INPP5D: variants seen among roughly 807,000 people sequenced by gnomAD.
INPP5D encodes the protein inositol polyphosphate-5-phosphatase D.
In INPP5D, 33 loss-of-function variants were observed where a neutral mutation model predicts 122.9. That is an observed-to-expected ratio of 0.27 (90% CI 0.20 to 0.36). The LOEUF (loss-of-function observed/expected upper bound fraction) is 0.36, where lower values mean the gene tolerates loss of function less well. INPP5D is among the 10% of genes least tolerant of loss of function. The pLI is 1.00. For synonymous variants in INPP5D, 584 were observed against 576.2 expected, an observed-to-expected ratio of 1.01 and a Z score of -0.19; for missense variants, 1,053 against 1,412.7, an observed-to-expected ratio of 0.75 and a Z score of 4.08.
rs565142251 is a variant in INPP5D at position 233,066,656 on chromosome 2, G to C, written c.134+6044G>C. On this transcript the variant is annotated intron_variant, in intron 1 of 26. Transcript: ENST00000445964. ...CAGTCTTGCTCTGTTGCCCAGGCTG[G>C]AGTGCAGTGGCATGATCTCGGCGCA... Among the ~76,000 whole-genome samples, 4 of 152,302 alleles carry C rather than the reference G, an allele frequency of 2.6e-5. No homozygotes were observed. In the South Asian group the frequency reaches 8.3e-4, roughly 32 times the overall value.
Position 233,177,210 on chromosome 2 carries a change from A to C in INPP5D, c.1990-55A>C. 1 of 1,608,740 alleles carries C rather than the reference A, an allele frequency of 6.2e-7. No homozygotes were observed. The highest frequency in any genetic ancestry group is 8.5e-7 in the Non-Finnish European group (1 of 1,176,388). On this transcript the variant is annotated intron_variant, in intron 17 of 26. Coordinates refer to ENST00000445964, the MANE Select transcript of INPP5D (RefSeq NM_001017915.3). The surrounding 1 kb of genome is among the most constrained non-coding windows in gnomAD (Gnocchi z 4.2). The stretch of plus-strand genomic sequence containing the variant: ...CACCAGTTAATCTGTTCTTTTACTG[A>C]TTAAAAAAATAATAATAAGAGGCAT...
chr2:233,171,494 A>T (rs1257697268), intron 17 of INPP5D, among the ~76,000 whole-genome samples: 1 of 152,220 alleles, frequency 6.6e-6, no homozygotes, highest in African/African-American at 2.4e-5. Context: ...AATTAACATT[A>T]AGCAGGTTTC....
At chr2:233,065,011 G>C (rs529641464) in intron 1 of INPP5D, among the ~76,000 whole-genome samples, 1 of 152,214 alleles carries the variant, frequency 6.6e-6, no homozygotes, top group Non-Finnish European at 1.5e-5. Flanking sequence ...CCAGAAAGCC[G>C]GCCAAGGGGC....
chr2:233,093,773 T>G (rs2106225032), intron 2 of INPP5D, among the ~76,000 whole-genome samples: 1 of 152,288 alleles, frequency 6.6e-6, no homozygotes, highest in Non-Finnish European at 1.5e-5. Flanking sequence ...TCTTCAATTT[T>G]GGGGTGAAAA....
chr2:233,201,498 C>G (rs1340597018), intron 25 of INPP5D, among the ~76,000 whole-genome samples: 4 of 152,240 alleles, frequency 2.6e-5, no homozygotes, highest in African/African-American at 9.6e-5. Context: ...GCCTGGAGCC[C>G]TGCAGCTCGC....
chr2:233,129,969 T>C (rs1486689538), intron 4 of INPP5D, among the ~76,000 whole-genome samples: 1 of 152,164 alleles, frequency 6.6e-6, no homozygotes, highest in African/African-American at 2.4e-5. Context: ...TGGCACGATC[T>C]GTTTTCACTG....
At chr2:233,065,464 C>A (rs1691187576) in intron 1 of INPP5D, among the ~76,000 whole-genome samples, 1 of 76,488 alleles carries the variant, frequency 1.3e-5, no homozygotes, top group Admixed American at 1.3e-4. Context: ...CCTGCCACCA[C>A]ACCGGGCTAA....
chr2:233,095,615 CAAAAAAAAAAAAAA>C (rs59030376), intron 2 of INPP5D, among the ~76,000 whole-genome samples: 6 of 129,150 alleles, frequency 4.6e-5, no homozygotes, highest in South Asian at 2.7e-4. Context: ...GAAACTGTCT[CAAAAAAAAAAAAAA>C]AAAAAAAAAA....
At chr2:233,099,099 C>T (rs1475973736) in intron 2 of INPP5D, among the ~76,000 whole-genome samples, 2 of 152,096 alleles carry the variant, frequency 1.3e-5, no homozygotes, top group African/African-American at 2.4e-5. Context: ...TATAAGTGTG[C>T]GTCACCATGT....
chr2:233,169,660 T>C (rs1420103277), intron 14 of INPP5D: 1 of 598,586 alleles, frequency 1.7e-6, no homozygotes, highest in Non-Finnish European at 2.8e-6. Context: ...ACTAGCACTG[T>C]TTCTAAAGCA....
intron 6 of INPP5D, chr2:233,145,136 C>T (rs1437465045): frequency 4.6e-6 from 2 of 437,446 alleles, no homozygotes; most frequent in South Asian, 1.6e-5. Flanking sequence ...ATTAACTCTA[C>T]ATTTCCACAC....
chr2:233,169,473 A>G (rs1225462036), intron 14 of INPP5D, 72 bp downstream of exon 14: 2 of 1,541,676 alleles, frequency 1.3e-6, no homozygotes, highest in African/African-American at 2.8e-5. Context: ...ACCTTTAAGC[A>G]CCAGAAGGAC....
chr2:233,146,103 G>C, intron 6 of INPP5D, 59 bp from the exon 7 acceptor site: 1 of 704,092 alleles, frequency 1.4e-6, no homozygotes, highest in East Asian at 2.7e-5. Context: ...CCAGAGCATT[G>C]CCTCTCGATG....
Position 233,078,767 on chromosome 2 carries a change from C to A in INPP5D, c.135-568C>A, listed in dbSNP as rs1691594282. On this transcript the variant is annotated intron_variant, in intron 1 of 26. Transcript: ENST00000445964. The surrounding 1 kb of genome is among the most constrained non-coding windows in gnomAD (Gnocchi z 4.6). ...GCACATTCTCGGCTCACTGCAACCT[C>A]CGCCTCCTGGGTTCAAGTGATTCTT... Among the ~76,000 whole-genome samples the A allele has an allele frequency of 6.6e-6, 1 of 152,120 alleles. No individual in the cohort carries two copies. Among genetic ancestry groups the A allele is most frequent in the Admixed American group, 6.5e-5 (1 of 15,274 alleles).
intron 6 of INPP5D, 180 bp downstream of exon 6, chr2:233,140,109 G>T (rs978601444): frequency 7.8e-6 from 3 of 383,722 alleles, no homozygotes; most frequent in Non-Finnish European, 1.4e-5. Flanking sequence ...TTTCCAGGAA[G>T]CCATCTCCCA....
intron 1 of INPP5D, among the ~76,000 whole-genome samples, chr2:233,079,097 C>G (rs551565121): frequency 2.0e-5 from 3 of 151,916 alleles, no homozygotes; most frequent in Non-Finnish European, 4.4e-5. Context: ...CCTAAATGAC[C>G]CCCCCCAACC....
intron 18 of INPP5D, among the ~76,000 whole-genome samples, chr2:233,178,992 T>C (rs1266682272): frequency 6.6e-6 from 1 of 152,188 alleles, no homozygotes; most frequent in Non-Finnish European, 1.5e-5. Context: ...TTCCAGTGCC[T>C]GTCTCCTCCT....
At position 233,177,151 on chromosome 2, in the gene INPP5D, G is replaced by A; in HGVS notation, c.1990-114G>A. 1 of 1,416,124 alleles carries A rather than the reference G, an allele frequency of 7.1e-7. No individual in the cohort carries two copies. The highest frequency in any genetic ancestry group is 9.6e-7 in the Non-Finnish European group (1 of 1,043,118). The allele number at this position is 1,416,124 out of a possible 1,614,324, so 87.7% of individuals were successfully genotyped here. On this transcript the variant is annotated intron_variant, in intron 17 of 26. Transcript: ENST00000445964. The surrounding 1 kb of genome is among the most constrained non-coding windows in gnomAD (Gnocchi z 4.2). ...CACCTACAGGGAAATTCTATAAAAA[G>A]CCAACAGCCGATGAATTTGAGGATT... is the stretch of plus-strand genomic sequence containing the variant.
In INPP5D at chr2:233,202,330, C is replaced by T. The variant is rs1341794820; in HGVS notation, c.2976-1796C>T. On this transcript the variant is annotated intron_variant, in intron 25 of 26. Coordinates refer to ENST00000445964, the MANE Select transcript of INPP5D (RefSeq NM_001017915.3). ...ACACGGGGGTCAGAAGAGGGCTGAA[C>T]ATGGAGGGGGCCCTTTCCAAAGTCC... Among the ~76,000 whole-genome samples, 6 of 151,950 alleles carry T rather than the reference C, an allele frequency of 3.9e-5. No individual in the cohort carries two copies. The South Asian group carries it at 8.3e-4, about 21-fold the overall frequency.
Sources: allele counts gnomAD v4.1 joint callset (sites outside exome capture counted in the v4.1 genomes callset), GRCh38; gene constraint gnomAD v4.1.1; non-coding constraint Gnocchi (gnomAD v3.1); transcripts MANE v1.5; gene names NCBI Gene and HGNC (gene_info 2026-07-23, HGNC 2026-07-21).